The following ADAMTSL1 variants were observed in gnomAD, a reference collection of about 807,000 sequenced individuals.
ADAMTSL1 encodes the protein ADAMTS-like protein 1.
A neutral mutation model predicts 201.8 loss-of-function variants in ADAMTSL1; 126 were observed. The observed-to-expected ratio is 0.62, with a 90% CI of 0.54 to 0.72. The LOEUF (loss-of-function observed/expected upper bound fraction) is 0.72. Among genes scored for constraint, ADAMTSL1 ranks in the 30% least tolerant of loss-of-function variants. ADAMTSL1 has a pLI of 0.00. For missense variants in ADAMTSL1, 2,679 were observed against 2,277.8 expected (o/e 1.18, Z -3.59); for synonymous variants, 1,121 against 903.4 (o/e 1.24, Z -4.32).
chr9:18,515,761 C>A (rs567677403), intron 2 of ADAMTSL1, among the ~76,000 whole-genome samples: 1 of 152,162 alleles, frequency 6.6e-6, no homozygotes, highest in African/African-American at 2.4e-5. Context: ...AGGTACTACT[C>A]TTTATCTACT....
At chr9:18,304,307 C>A (rs960124048) in intron 2 of ADAMTSL1, among the ~76,000 whole-genome samples, 1 of 151,878 alleles carries the variant, frequency 6.6e-6, no homozygotes, top group African/African-American at 2.4e-5. Flanking sequence ...CTACCCTCAA[C>A]ATGCCCTGAG....
At chr9:18,247,426 C>A (rs553157136) in intron 2 of ADAMTSL1, among the ~76,000 whole-genome samples, 2 of 152,246 alleles carry the variant, frequency 1.3e-5, no homozygotes, top group African/African-American at 4.8e-5. Context: ...AATACATATT[C>A]AGAGCTAATG....
chr9:18,826,431 A>C lies in ADAMTSL1; in HGVS notation c.4082A>C (p.Glu1361Ala). 1.2e-6 allele frequency: 2 copies of C among 1,613,604 alleles called. No individual in the cohort carries two copies. ...TGCAGGGCGGCCAATCTTCATGGAG[A>C]GCTGACTGAGAGCACCCAGCTGCTG... is the stretch of plus-strand genomic sequence containing the variant. ...YSCRAANLHG[E>A]LTESTQLLIL... The change falls in exon 22 of 29, where the codon GAG (glutamate) becomes GCG (alanine). Residue 1361 changes from glutamate (E) to alanine (A), a missense_variant. Transcript: ENST00000380548.
At chr9:18,570,226 A>G (rs914052647) in intron 3 of ADAMTSL1, among the ~76,000 whole-genome samples, 7 of 143,234 alleles carry the variant, frequency 4.9e-5, no homozygotes, top group Non-Finnish European at 9.3e-5. Context: ...CCACAAAAGG[A>G]AAAAAAAAAA....
At chr9:18,595,538 T>C (rs1291449417) in intron 4 of ADAMTSL1, among the ~76,000 whole-genome samples, 5 of 152,190 alleles carry the variant, frequency 3.3e-5, no homozygotes, top group African/African-American at 1.2e-4. Flanking sequence ...ACTGGACTTC[T>C]TGGAATCTGC....
At chr9:18,532,596 A>G (rs543940781) in intron 2 of ADAMTSL1, among the ~76,000 whole-genome samples, 7 of 152,068 alleles carry the variant, frequency 4.6e-5, no homozygotes, top group Admixed American at 2.0e-4. Context: ...AAGTGGAAAC[A>G]AAAACAGGCT....
intron 22 of ADAMTSL1, 81 bp downstream of exon 22, chr9:18,826,544 C>A: frequency 6.7e-7 from 1 of 1,484,184 alleles, no homozygotes. Context: ...CCTTTGTGCC[C>A]TAATCCAATT....
chr9:18,301,103 G>A (rs540745700), intron 2 of ADAMTSL1, among the ~76,000 whole-genome samples: 101 of 152,018 alleles, frequency 6.6e-4, no homozygotes, highest in African/African-American at 1.1e-3. Context: ...GGATTCAATC[G>A]AAACTTATTT....
chr9:18,085,628 C>CTGTGTGTGTATATATATACATATACTCTG, intron 1 of ADAMTSL1, among the ~76,000 whole-genome samples: 1 of 146,798 alleles, frequency 6.8e-6, no homozygotes, highest in East Asian at 2.0e-4. Flanking sequence ...CGTATATACA[C>CTGTGTGTGTATATATATACATATACTCTG]TGTGTGTGTA....
chr9:18,382,816 A>G (rs181835320), intron 2 of ADAMTSL1, among the ~76,000 whole-genome samples: 1 of 152,220 alleles, frequency 6.6e-6, no homozygotes, highest in Admixed American at 6.5e-5. Context: ...GTTCTAAGTT[A>G]TGATGAACAA....
At chr9:18,749,250 C>A (rs1819320180) in intron 15 of ADAMTSL1, among the ~76,000 whole-genome samples, 1 of 151,950 alleles carries the variant, frequency 6.6e-6, no homozygotes, top group Non-Finnish European at 1.5e-5. Context: ...TAGACATAGC[C>A]CCATGCTTTC....
chr9:18,394,921 G>C (rs760887027), intron 2 of ADAMTSL1, among the ~76,000 whole-genome samples: 1 of 152,214 alleles, frequency 6.6e-6, no homozygotes, highest in Admixed American at 6.5e-5. Context: ...AAATGGAAAG[G>C]CTGTGGAGAT....
chr9:18,646,181 C>T (rs191301189), intron 7 of ADAMTSL1, among the ~76,000 whole-genome samples: 1 of 151,658 alleles, frequency 6.6e-6, no homozygotes, highest in Non-Finnish European at 1.5e-5. Flanking sequence ...CATGATTTGG[C>T]TCTCTGTTTG....
chr9:18,024,597 C>T (rs1820616645), intron 1 of ADAMTSL1, among the ~76,000 whole-genome samples: 1 of 152,086 alleles, frequency 6.6e-6, no homozygotes, highest in South Asian at 2.1e-4. Flanking sequence ...GACATGATTC[C>T]ATTCTTTTTT....
intron 2 of ADAMTSL1, among the ~76,000 whole-genome samples, chr9:18,334,834 A>G (rs1304786780): frequency 6.6e-6 from 1 of 152,212 alleles, no homozygotes; most frequent in Non-Finnish European, 1.5e-5. Context: ...ATTCATCAGA[A>G]GAAAGAGATT....
chr9:18,579,048 T>C (rs1402896179), intron 4 of ADAMTSL1, among the ~76,000 whole-genome samples: 1 of 151,742 alleles, frequency 6.6e-6, no homozygotes, highest in Admixed American at 6.6e-5. Context: ...TGTCTGTTCA[T>C]GTCATGTTGC....
intron 4 of ADAMTSL1, among the ~76,000 whole-genome samples, chr9:18,581,671 T>C (rs964809236): frequency 2.0e-5 from 3 of 152,040 alleles, no homozygotes; most frequent in African/African-American, 7.2e-5. Context: ...GCTTCCAAAA[T>C]ACAATGGTGG....
intron 3 of ADAMTSL1, among the ~76,000 whole-genome samples, chr9:18,558,356 T>C (rs1208969194): frequency 6.6e-6 from 1 of 152,236 alleles, no homozygotes; most frequent in East Asian, 1.9e-4. Context: ...TTTTTATGGC[T>C]ACATAGTATT....
chr9:17,919,384 T>C (rs1236153506), intron 1 of ADAMTSL1, among the ~76,000 whole-genome samples: 2 of 152,014 alleles, frequency 1.3e-5, no homozygotes, highest in African/African-American at 4.8e-5. Flanking sequence ...TTGGTTTTTA[T>C]TATATTCACA....
Sources: allele counts gnomAD v4.1 joint callset (sites outside exome capture counted in the v4.1 genomes callset), GRCh38; gene constraint gnomAD v4.1.1; transcripts MANE v1.5; gene names NCBI Gene and HGNC (gene_info 2026-07-23, HGNC 2026-07-21).